The following DPP4 variants were observed in gnomAD, a reference collection of about 807,000 sequenced individuals.
DPP4 encodes ADCP-2.
A neutral mutation model predicts 122.4 loss-of-function variants in DPP4; 93 were observed. The observed-to-expected ratio is 0.76, with a 90% CI of 0.64 to 0.90. The LOEUF is 0.90. Among genes scored for constraint, DPP4 ranks in the 40% least tolerant of loss-of-function variants. DPP4 has a pLI of 0.00. For synonymous variants in DPP4, 321 were observed against 302.9 expected (o/e 1.06, Z -0.62); for missense variants, 914 against 907.3 (o/e 1.01, Z -0.09).
chr2:162,070,493 C>A (rs758223463), intron 2 of DPP4, among the ~76,000 whole-genome samples: 1 of 152,114 alleles, frequency 6.6e-6, no homozygotes, highest in African/African-American at 2.4e-5. Flanking sequence ...TTAGTTTCCA[C>A]GTAATTTAGG....
chr2:162,068,430 C>G (rs1000085499), intron 2 of DPP4, among the ~76,000 whole-genome samples: 8 of 152,108 alleles, frequency 5.3e-5, no homozygotes, highest in Non-Finnish European at 1.2e-4. Context: ...TGAGCAAGTT[C>G]CTTAACTTCT....
intron 23 of DPP4, among the ~76,000 whole-genome samples, chr2:162,005,097 C>T (rs185552446): frequency 1.8e-3 from 268 of 152,302 alleles, no homozygotes; most frequent in African/African-American, 6.1e-3. Flanking sequence ...CTGGCTTTGC[C>T]GTGGCATCCA....
At chr2:162,060,522 CT>C (rs1559725882) in intron 2 of DPP4, among the ~76,000 whole-genome samples, 1 of 152,190 alleles carries the variant, frequency 6.6e-6, no homozygotes, top group Non-Finnish European at 1.5e-5. Context: ...GTTTTCTTCC[CT>C]TTTTTCATGT....
intron 9 of DPP4, among the ~76,000 whole-genome samples, chr2:162,034,181 T>C (rs1480258202): frequency 6.6e-6 from 1 of 152,056 alleles, no homozygotes; most frequent in Non-Finnish European, 1.5e-5. Context: ...GTTCACTATG[T>C]TGGAGCTTTA....
intron 23 of DPP4, among the ~76,000 whole-genome samples, chr2:162,001,254 G>A (rs1403946459): frequency 6.6e-6 from 1 of 152,192 alleles, no homozygotes; most frequent in South Asian, 2.1e-4. Context: ...AGCTTAGAAT[G>A]ATGACTTGCC....
At chr2:162,060,869 C>T (rs1002869255) in intron 2 of DPP4, among the ~76,000 whole-genome samples, 1 of 151,648 alleles carries the variant, frequency 6.6e-6, no homozygotes, top group Non-Finnish European at 1.5e-5. Context: ...CTCCTTCCTT[C>T]CTTCCTTCCC....
chr2:162,059,751 C>T (rs1684697347), intron 2 of DPP4, among the ~76,000 whole-genome samples: 1 of 152,166 alleles, frequency 6.6e-6, no homozygotes, highest in Non-Finnish European at 1.5e-5. Flanking sequence ...AACAAAACTG[C>T]CACAGGAATT....
chr2:161,995,145 A>G (rs913817540), intron 24 of DPP4, 111 bp from the exon 25 acceptor site: 4 of 1,360,802 alleles, frequency 2.9e-6, no homozygotes, highest in African/African-American at 2.9e-5. Context: ...TCTAGGACTC[A>G]GCATCCCATT....
At chr2:162,034,448 G>A (rs1246679613) in intron 9 of DPP4, among the ~76,000 whole-genome samples, 2 of 151,900 alleles carry the variant, frequency 1.3e-5, no homozygotes, top group African/African-American at 4.8e-5. Context: ...CAAATTGAGT[G>A]AGTTGGTAAA....
chr2:161,997,373 C>A (rs931320994), intron 23 of DPP4, among the ~76,000 whole-genome samples: 3 of 152,010 alleles, frequency 2.0e-5, no homozygotes, highest in Non-Finnish European at 2.9e-5. Flanking sequence ...TCTAGTCAAT[C>A]AATATTTACT....
At chr2:162,049,260 A>C (rs1684297271) in intron 2 of DPP4, among the ~76,000 whole-genome samples, 1 of 152,226 alleles carries the variant, frequency 6.6e-6, no homozygotes. Flanking sequence ...TATTTCTTCA[A>C]ATGTGGTACA....
At chr2:162,056,449 G>C (rs2106147221) in intron 2 of DPP4, among the ~76,000 whole-genome samples, 1 of 152,320 alleles carries the variant, frequency 6.6e-6, no homozygotes, top group Non-Finnish European at 1.5e-5. Flanking sequence ...AGGAAGAGGA[G>C]TGAGCTTAGC....
At chr2:162,037,576 C>T (rs773910729) in intron 8 of DPP4, among the ~76,000 whole-genome samples, 3 of 152,058 alleles carry the variant, frequency 2.0e-5, no homozygotes, top group Non-Finnish European at 4.4e-5. Context: ...ACAGATAAGT[C>T]TTTCTAATAA....
intron 19 of DPP4, 138 bp downstream of exon 19, chr2:162,014,258 C>G (rs891617168): frequency 4.4e-6 from 3 of 683,050 alleles, no homozygotes; most frequent in African/African-American, 1.9e-5. Flanking sequence ...TGTGGCTGTA[C>G]AGTGAAAGGA....
rs776880091 is a variant in DPP4 at position 162,073,438 on chromosome 2, T to A, written c.55A>T (p.Thr19Ser). Residue 19 changes from threonine to serine, a missense_variant, in exon 2 of 26, where the codon ACC becomes TCC. By Grantham distance (58) the Thr-to-Ser change is moderately conservative. Transcript: ENST00000360534. ...AGAACCACGGGCACGGTGATGATGGTGACAAGCGCAGCAGCACCCAGCAGT... is the reference window on the plus strand; with the variant it reads ...AGAACCACGGGCACGGTGATGATGGAGACAAGCGCAGCAGCACCCAGCAGT... ...LGLLGAAALV[T>S]IITVPVVLLN... 6.2e-7 allele frequency: 1 copy of A among 1,614,070 alleles called. No individual in the cohort carries two copies. Among genetic ancestry groups the A allele is most frequent in the South Asian group, 1.1e-5 (1 of 91,076 alleles).
At chr2:162,041,456 T>A (rs1683984329) in intron 5 of DPP4, among the ~76,000 whole-genome samples, 1 of 152,170 alleles carries the variant, frequency 6.6e-6, no homozygotes, top group Admixed American at 6.5e-5. Flanking sequence ...CACCTAGCTA[T>A]ATAATAGCAG....
At chr2:162,025,104 T>C (rs1683276889) in intron 10 of DPP4, among the ~76,000 whole-genome samples, 165 bp from the exon 11 acceptor site, 1 of 152,218 alleles carries the variant, frequency 6.6e-6, no homozygotes, top group Admixed American at 6.5e-5. Context: ...TCACCTTTTC[T>C]TAAAGCTTAA....
intron 2 of DPP4, among the ~76,000 whole-genome samples, chr2:162,051,126 G>T (rs1050445212): frequency 4.6e-5 from 7 of 152,088 alleles, no homozygotes; most frequent in African/African-American, 1.7e-4. Flanking sequence ...CTATTAGCTT[G>T]AACCGCATGA....
At chr2:162,053,702 A>G (rs1311923375) in intron 2 of DPP4, among the ~76,000 whole-genome samples, 1 of 152,218 alleles carries the variant, frequency 6.6e-6, no homozygotes, top group African/African-American at 2.4e-5. Flanking sequence ...CTGCCACTCT[A>G]GCATGTATAA....
Sources: gnomAD v4.1 joint callset for allele counts (sites outside exome capture counted in the v4.1 genomes callset) on GRCh38, gnomAD v4.1.1 for gene constraint, MANE v1.5 for transcripts, NCBI Gene and HGNC (gene_info 2026-07-23, HGNC 2026-07-21) for gene names.